ALDH16A1: variants seen among roughly 807,000 people sequenced by gnomAD.
ALDH16A1 encodes aldehyde dehydrogenase family 16 member A1.
Under a neutral mutation model 96.1 loss-of-function variants are expected in ALDH16A1, and 88 were observed. The ratio of observed to expected loss-of-function variants is 0.92; its 90% CI spans 0.77 to 1.09. The LOEUF is 1.09. Among genes scored for constraint, ALDH16A1 ranks in the 50% least tolerant of loss-of-function variants. The pLI, the probability that ALDH16A1 is intolerant of heterozygous loss-of-function variation, is 0.00. For missense variants in ALDH16A1, 1,250 were observed against 1,112.6 expected (o/e 1.12, Z -1.76); for synonymous variants, 522 against 496.4 (o/e 1.05, Z -0.69).
At position 49,464,136 on chromosome 19, in the gene ALDH16A1, C is replaced by A. The variant is rs1406940134; in HGVS notation, c.1204C>A (p.Pro402Thr). 2.5e-6 allele frequency: 4 copies of A among 1,608,110 alleles called. No individual in the cohort carries two copies. Among genetic ancestry groups the A allele is most frequent in the South Asian group, 1.1e-5 (1 of 90,964 alleles). ...SPCAQVEVPW[P>T]VVVASPFRTA... ...CGGTCACCCCTTGCAGGTGCCGTGG[C>A]CTGTGGTCGTGGCCTCCCCCTTCCG... The change falls in exon 10 of 17, where the codon CCT becomes ACT. Residue 402 changes from proline to threonine, a missense_variant. Coordinates refer to ENST00000293350, the MANE Select transcript of ALDH16A1 (RefSeq NM_153329.4).
At chr19:49,465,160 G>A (rs1275546982) in intron 12 of ALDH16A1, among the ~76,000 whole-genome samples, 1 of 151,594 alleles carries the variant, frequency 6.6e-6, no homozygotes, top group African/African-American at 2.4e-5. Context: ...GAGCAGTTTA[G>A]GGTCTACCAG....
rs989495546 is a variant in ALDH16A1, at chr19:49,464,238, G to C, written c.1306G>C (p.Gly436Arg). Reference sequence around the variant, plus strand: ...CGCCAGTGTGTGGAGCGAGAGGCTGGGGCAGGCGCTGGAGCTGGGCTATGG... The same window carrying C: ...CGCCAGTGTGTGGAGCGAGAGGCTGCGGCAGGCGCTGGAGCTGGGCTATGG... The part of the protein sequence containing the change: ...GSASVWSERL[G>R]QALELGYGLQ... The change falls in exon 10 of 17, where the codon GGG (glycine) becomes CGG (arginine). Residue 436 changes from glycine to arginine, a missense_variant. By Grantham distance (125) the Gly-to-Arg change is moderately radical (BLOSUM62 -2). Coordinates refer to ENST00000293350, the MANE Select transcript of ALDH16A1 (RefSeq NM_153329.4). 1.9e-6 allele frequency: 3 copies of C among 1,603,434 alleles called. No homozygotes were observed. The African/African-American group carries it at 4.0e-5, about 21-fold the overall frequency.
chr19:49,460,737 TAGC>T, intron 4 of ALDH16A1, 82 bp from the exon 5 acceptor site: 1 of 1,102,366 alleles, frequency 9.1e-7, no homozygotes, highest in African/African-American at 1.6e-5. Flanking sequence ...TTTCCTAATG[TAGC>T]CATGGGGTCT....
chr19:49,453,490 A>C, intron 1 of ALDH16A1, 69 bp downstream of exon 1: 1 of 1,405,990 alleles, frequency 7.1e-7, no homozygotes, highest in Non-Finnish European at 9.6e-7. Flanking sequence ...TTTCGCGGGG[A>C]GTCCCGTCAT....
In ALDH16A1 at chr19:49,463,913, C is replaced by T. The variant is rs538214885; in HGVS notation, c.1158C>T (p.Ser386=). ...CATTCTATCCCCCAACCTTGGTCTC[C>T]AACCTGCCCCCAGCCTCCCCATGTG... The part of the protein sequence containing the change: ...ERPFYPPTLV[S]NLPPASPCAQ... Residue 386 remains serine, a synonymous_variant, in exon 9 of 17, where the codon TCC becomes TCT. Transcript: ENST00000293350. 1.2e-5 allele frequency: 19 copies of T among 1,613,286 alleles called. No homozygotes were observed. The South Asian group carries it at 1.9e-4, about 16-fold the overall frequency.
At chr19:49,460,926 C>T (rs1166232635) in intron 5 of ALDH16A1, 27 bp downstream of exon 5, 1 of 1,605,008 alleles carries the variant, frequency 6.2e-7, no homozygotes. Context: ...GGGGTCCTGA[C>T]TCTTGGGTCT....
Position 49,468,311 on chromosome 19 carries a change from A to G in ALDH16A1, c.1939-70A>G. 3 of 1,494,540 alleles carry G rather than the reference A, an allele frequency of 2.0e-6. No homozygotes were observed. Among genetic ancestry groups the G allele is most frequent in the Non-Finnish European group, 2.7e-6 (3 of 1,105,364 alleles). The allele number at this position is 1,494,540 out of a possible 1,614,324, so 92.6% of individuals were successfully genotyped here. ...ACACCAAGTGTTGGGGAGAATGTAG[A>G]GGAACTGGATCTCTCATTTACTGCG... On this transcript the variant is annotated intron_variant, in intron 14 of 16. Transcript: ENST00000293350. This position sits in a 1 kb window ranked among gnomAD's most constrained non-coding sequence, Gnocchi z 4.4.
At chr19:49,454,844 C>A (rs555080872) in intron 1 of ALDH16A1, among the ~76,000 whole-genome samples, 1 of 152,062 alleles carries the variant, frequency 6.6e-6, no homozygotes, top group Non-Finnish European at 1.5e-5. Flanking sequence ...TTGGGCCAGG[C>A]GTGGTGGCTC....
chr19:49,470,417 G>A lies in ALDH16A1; in HGVS notation c.2359G>A (p.Gly787Arg). ...GGCCGAGGGGGCAGGCCCAGAGCTG[G>A]GGCTGCGAGTGGCGCGGACCAAGGC... is the stretch of plus-strand genomic sequence containing the variant. ...QEAEGAGPEL[G>R]LRVARTKALW... The change falls in exon 17 of 17, where the codon GGG (glycine) becomes AGG (arginine). Residue 787 changes from glycine to arginine, a missense_variant. Transcript: ENST00000293350. The A allele has an allele frequency of 6.2e-7, 1 of 1,608,048 alleles. No homozygotes were observed. Among genetic ancestry groups the A allele is most frequent in the Non-Finnish European group, 8.5e-7 (1 of 1,177,932 alleles).
rs775229384 is a variant in ALDH16A1 at position 49,464,727 on chromosome 19, C to G, written c.1533C>G (p.Pro511=). ...LNYDTFGLAV[P]STLPAGPEIG... ...ATGACACCTTTGGCCTCGCTGTTCC[C>G]TCAACCCTGCCGGCTGGGCCTGAAA... is the stretch of plus-strand genomic sequence containing the variant. The change falls in exon 12 of 17, where the codon CCC becomes CCG. Residue 511 remains proline (P), a synonymous_variant. Coordinates refer to ENST00000293350, the MANE Select transcript of ALDH16A1 (RefSeq NM_153329.4). 1.9e-6 allele frequency: 3 copies of G among 1,613,632 alleles called. 1 individual carries two copies. Among genetic ancestry groups the G allele is most frequent in the East Asian group, 2.2e-5 (1 of 44,876 alleles).
chr19:49,458,857 A>T (rs1195351506), intron 2 of ALDH16A1, 103 bp from the exon 3 acceptor site: 1 of 1,467,164 alleles, frequency 6.8e-7, no homozygotes, highest in East Asian at 2.3e-5. Context: ...AATGGGGACC[A>T]GCTTTACACT....
Position 49,468,516 on chromosome 19 carries a change from G to A in ALDH16A1, c.2074G>A (p.Val692Ile). 2 of 1,604,536 alleles carry A rather than the reference G, an allele frequency of 1.2e-6. No homozygotes were observed. Among genetic ancestry groups the A allele is most frequent in the Non-Finnish European group, 1.7e-6 (2 of 1,179,918 alleles). The change falls in exon 15 of 17, where the codon GTC (valine) becomes ATC (isoleucine). Residue 692 changes from valine (V) to isoleucine (I), a missense_variant. Coordinates refer to ENST00000293350, the MANE Select transcript of ALDH16A1 (RefSeq NM_153329.4). This position sits in a 1 kb window ranked among gnomAD's most constrained non-coding sequence, Gnocchi z 4.4. ...APALAYGNTV[V>I]MVPSAACPLL... ...CGCCCTGGCCTACGGCAACACTGTGGTCATGGTGCCCAGTGCGGCCTGTCC... is the reference window on the plus strand; with the variant it reads ...CGCCCTGGCCTACGGCAACACTGTGATCATGGTGCCCAGTGCGGCCTGTCC...
intron 5 of ALDH16A1, 29 bp from the exon 6 acceptor site, chr19:49,461,590 T>G: frequency 6.6e-7 from 1 of 1,511,602 alleles, no homozygotes; most frequent in East Asian, 2.4e-5. Flanking sequence ...CCTGGACTCC[T>G]GGGCCTTTGA....
chr19:49,470,359 G>A lies in ALDH16A1; in HGVS notation c.2301G>A (p.Ala767=), dbSNP rs145863674. The change falls in exon 17 of 17, where the codon GCG becomes GCA. Residue 767 remains alanine, a synonymous_variant. Coordinates refer to ENST00000293350, the MANE Select transcript of ALDH16A1 (RefSeq NM_153329.4). Reference sequence around the variant, plus strand: ...CAGGAAACCTCAAACCGGTGTGGGCGAGCAGGGGCTGCCCGCGGGCCTGGG... The same window carrying A: ...CAGGAAACCTCAAACCGGTGTGGGCAAGCAGGGGCTGCCCGCGGGCCTGGG... ...ASAGNLKPVW[A]SRGCPRAWDQ... 1.9e-5 allele frequency: 30 copies of A among 1,613,156 alleles called. No individual in the cohort carries two copies. Among genetic ancestry groups the A allele is most frequent in the African/African-American group, 5.3e-5 (4 of 74,884 alleles).
chr19:49,454,788 G>T (rs951510912), intron 1 of ALDH16A1, among the ~76,000 whole-genome samples: 1 of 152,154 alleles, frequency 6.6e-6, no homozygotes, highest in Admixed American at 6.5e-5. Context: ...TTCGAGACCA[G>T]CCTGGGCAAC....
intron 2 of ALDH16A1, 107 bp downstream of exon 2, chr19:49,458,695 CTGG>C (rs2079119697): frequency 7.9e-7 from 1 of 1,262,144 alleles, no homozygotes; most frequent in African/African-American, 1.5e-5. Context: ...CAGGAAACAG[CTGG>C]TGGTGGGAGA....
chr19:49,468,437 T>C lies in ALDH16A1; in HGVS notation c.1995T>C (p.Ala665=), dbSNP rs2079217506. ...LRLREPLGVL[A]VVCPDEWPLL... is the part of the protein sequence containing the mutation. ...TGCGGGAGCCGCTGGGTGTGCTGGC[T>C]GTGGTGTGTCCGGACGAGTGGCCCC... is the stretch of plus-strand genomic sequence containing the variant. Residue 665 remains alanine (A), a synonymous_variant, in exon 15 of 17, where the codon GCT becomes GCC. Transcript: ENST00000293350. The surrounding 1 kb of genome is among the most constrained non-coding windows in gnomAD (Gnocchi z 4.4). 2 of 1,601,238 alleles carry C rather than the reference T, an allele frequency of 1.2e-6. No individual in the cohort carries two copies. Among genetic ancestry groups the C allele is most frequent in the Non-Finnish European group, 1.7e-6 (2 of 1,179,786 alleles).
Position 49,468,171 on chromosome 19 carries a change from A to G in ALDH16A1, c.1939-210A>G, listed in dbSNP as rs935452223. ...TGAGAGTCCGTCTCAAAAAAAAAAA[A>G]AAAGAAAGGCGGTTATGCAGGATGT... is the stretch of plus-strand genomic sequence containing the variant. On this transcript the variant is annotated intron_variant, in intron 14 of 16. Coordinates refer to ENST00000293350, the MANE Select transcript of ALDH16A1 (RefSeq NM_153329.4). This position sits in a 1 kb window ranked among gnomAD's most constrained non-coding sequence, Gnocchi z 4.4. 3.7e-6 allele frequency: 2 copies of G among 542,956 alleles called. No homozygotes were observed. The highest frequency in any genetic ancestry group is 2.5e-5 in the South Asian group (1 of 39,954). The allele number at this position is 542,956 out of a possible 1,614,324, so 33.6% of individuals were successfully genotyped here.
In ALDH16A1 at chr19:49,464,490, G is replaced by A. The variant is rs761222144; in HGVS notation, c.1405G>A (p.Glu469Lys). 3.7e-6 allele frequency: 6 copies of A among 1,613,610 alleles called. No individual in the cohort carries two copies. The African/African-American group carries it at 8.0e-5, about 22-fold the overall frequency. Residue 469 changes from glutamate to lysine, a missense_variant, in exon 11 of 17, where the codon GAG becomes AAG. Physicochemically the swap from Glu to Lys is moderately conservative, Grantham distance 56. Transcript: ENST00000293350. Reference protein sequence around the residue: ...DPSVPTGGCKESGCSWHGGPD... With the variant: ...DPSVPTGGCKKSGCSWHGGPD... ...TTCGGTGCCCACAGGCGGCTGCAAG[G>A]AGAGTGGGTGTTCCTGGCACGGGGG...
Sources: allele counts gnomAD v4.1 joint callset (sites outside exome capture counted in the v4.1 genomes callset), GRCh38; gene constraint gnomAD v4.1.1; non-coding constraint Gnocchi (gnomAD v3.1); transcripts MANE v1.5; gene names NCBI Gene and HGNC (gene_info 2026-07-23, HGNC 2026-07-21).